The following CRTC1 variants were observed in gnomAD, a reference collection of about 807,000 sequenced individuals.
The protein encoded by CRTC1 is CREB regulated transcription coactivator 1.
CRTC1 carries 18 observed loss-of-function variants against 66.1 expected under a neutral mutation model. The ratio of observed to expected loss-of-function variants is 0.27; its 90% CI spans 0.19 to 0.40. The LOEUF (loss-of-function observed/expected upper bound fraction) is 0.40, where lower values mean the gene tolerates loss of function less well. Among genes scored for constraint, CRTC1 ranks in the 10% least tolerant of loss-of-function variants. The pLI, the probability that CRTC1 is intolerant of heterozygous loss-of-function variation, is 1.00. For missense variants in CRTC1, 669 were observed against 887.9 expected (o/e 0.75, Z 3.13); for synonymous variants, 416 against 398.8 (o/e 1.04, Z -0.51).
At chr19:18,759,953 G>A in intron 7 of CRTC1, 55 bp from the exon 8 acceptor site, 16 of 1,051,880 alleles carry the variant, frequency 1.5e-5, no homozygotes, top group Non-Finnish European at 1.9e-5. Flanking sequence ...CCCTGTCCCC[G>A]CCGCCAGCCC....
chr19:18,715,990 G>A (rs767996379), intron 1 of CRTC1, among the ~76,000 whole-genome samples: 6 of 152,178 alleles, frequency 3.9e-5, no homozygotes, highest in Non-Finnish European at 7.3e-5. Context: ...TGCTGGCAGC[G>A]GTTGGCGGGG....
At chr19:18,701,245 G>A (rs541664575) in intron 1 of CRTC1, among the ~76,000 whole-genome samples, 9 of 152,244 alleles carry the variant, frequency 5.9e-5, no homozygotes, top group Non-Finnish European at 1.0e-4. Flanking sequence ...TGCTCTATGC[G>A]CCTCTGTTGG....
rs2055073803 is a variant in CRTC1, at chr19:18,780,058, C to G, written c.*2676C>G. 4.3e-6 allele frequency: 1 copy of G among 230,824 alleles called. No homozygotes were observed. Among genetic ancestry groups the G allele is most frequent in the Non-Finnish European group, 8.6e-6 (1 of 116,680 alleles). The allele number at this position is 230,824 out of a possible 1,614,324, so 14.3% of individuals were successfully genotyped here. Reference sequence around the variant, plus strand: ...GCCAAGACTTTCTGAAACAAGACAGCTTAAGGGAATCAGCCTTTTGCTTTG... The same window carrying G: ...GCCAAGACTTTCTGAAACAAGACAGGTTAAGGGAATCAGCCTTTTGCTTTG... On this transcript the variant is annotated 3_prime_UTR_variant, in exon 14 of 14. Coordinates refer to ENST00000321949, the MANE Select transcript of CRTC1 (RefSeq NM_015321.3).
intron 1 of CRTC1, among the ~76,000 whole-genome samples, chr19:18,710,427 G>A (rs1041619268): frequency 6.6e-6 from 1 of 152,080 alleles, no homozygotes; most frequent in African/African-American, 2.4e-5. Context: ...GGGTGAGCTG[G>A]ACATGCAGGG....
chr19:18,765,652 C>A (rs945950960), intron 9 of CRTC1, 124 bp downstream of exon 9: 4 of 939,700 alleles, frequency 4.3e-6, no homozygotes, highest in Non-Finnish European at 6.1e-6. Context: ...GCTCCCAACA[C>A]TTTTAGTTTT....
At chr19:18,683,883 G>T (rs1216064120) in intron 1 of CRTC1, 55 bp downstream of exon 1, 8 of 901,462 alleles carry the variant, frequency 8.9e-6, no homozygotes, top group Non-Finnish European at 1.1e-5. Context: ...GGGAGGGGGC[G>T]CGTGTCCGGC....
intron 2 of CRTC1, among the ~76,000 whole-genome samples, chr19:18,744,477 TACACACACACACAAACACAC>T (rs1164176780): frequency 6.7e-6 from 1 of 148,170 alleles, no homozygotes; most frequent in Non-Finnish European, 1.5e-5. Context: ...CGTCCCTATA[TACACACACACACAAACACAC>T]ACACACACAC....
At position 18,778,680 on chromosome 19, in the gene CRTC1, T is replaced by TA. The variant is rs2055045931; in HGVS notation, c.*1299dup. The TA allele has an allele frequency of 4.4e-6, 1 of 229,748 alleles. No homozygotes were observed. The highest frequency in any genetic ancestry group is 8.6e-6 in the Non-Finnish European group (1 of 115,834). The allele number at this position is 229,748 out of a possible 1,614,324, so 14.2% of individuals were successfully genotyped here. A position where few individuals can be genotyped will look rare whatever the true frequency, so the allele number is the denominator to read the frequency against. On this transcript the variant is annotated 3_prime_UTR_variant, in exon 14 of 14. Coordinates refer to ENST00000321949, the MANE Select transcript of CRTC1 (RefSeq NM_015321.3). ...TCTCCCAGAGGTGCCTGCTAGTCCT[T>TA]AGAGTGTGTGTGTGAAGATGCCATG...
Position 18,768,785 on chromosome 19 carries a change from A to G in CRTC1, c.1312A>G (p.Ile438Val), listed in dbSNP as rs2054796714. Residue 438 changes from isoleucine (I) to valine (V), a missense_variant, in exon 10 of 14, where the codon ATC (isoleucine) becomes GTC (valine). Ile to Val is a conservative substitution (Grantham distance 29). Transcript: ENST00000321949. The surrounding 1 kb of genome is among the most constrained non-coding windows in gnomAD (Gnocchi z 5.6). Reference protein sequence around the residue: ...NPGQPSMGIDIASAPALQQYR... With the variant: ...NPGQPSMGIDVASAPALQQYR... ...TGGCCAGCCATCGATGGGGATCGAC[A>G]TCGCCTCGGTAAGCCCAGGGTGGGG... 2 of 1,599,416 alleles carry G rather than the reference A, an allele frequency of 1.3e-6. No homozygotes were observed. Among genetic ancestry groups the G allele is most frequent in the Middle Eastern group, 1.9e-4 (1 of 5,286 alleles).
At chr19:18,688,479 C>G (rs1438435167) in intron 1 of CRTC1, among the ~76,000 whole-genome samples, 1 of 151,958 alleles carries the variant, frequency 6.6e-6, no homozygotes, top group Non-Finnish European at 1.5e-5. Context: ...CCCCCTGTCG[C>G]CCAGGCTGGA....
chr19:18,760,320 A>C lies in CRTC1; in HGVS notation c.886+92A>C. 1.8e-6 allele frequency: 2 copies of C among 1,102,292 alleles called. No homozygotes were observed. The highest frequency in any genetic ancestry group is 2.6e-6 in the Non-Finnish European group (2 of 764,510). The allele number at this position is 1,102,292 out of a possible 1,614,324, so 68.3% of individuals were successfully genotyped here. ...GATGACTTGGCAGAGTCCCGTTCCA[A>C]ATACTAGGGCATGGGGGACAGGGCT... On this transcript the variant is annotated intron_variant, in intron 8 of 13. Coordinates refer to ENST00000321949, the MANE Select transcript of CRTC1 (RefSeq NM_015321.3). This position sits in a 1 kb window ranked among gnomAD's most constrained non-coding sequence, Gnocchi z 6.2.
rs932950881 is a variant in CRTC1, at chr19:18,778,785, G to A, written c.*1403G>A. 2 of 230,980 alleles carry A rather than the reference G, an allele frequency of 8.7e-6. No homozygotes were observed. The highest frequency in any genetic ancestry group is 6.1e-5 in the East Asian group (1 of 16,322). The allele number at this position is 230,980 out of a possible 1,614,324, so 14.3% of individuals were successfully genotyped here. The stretch of plus-strand genomic sequence containing the variant: ...CGAGGGTCCCCGAGACGAGGACCAC[G>A]GTCCTCCCTGAGAACCTGGGTGGAA... On this transcript the variant is annotated 3_prime_UTR_variant, in exon 14 of 14. Coordinates refer to ENST00000321949, the MANE Select transcript of CRTC1 (RefSeq NM_015321.3).
intron 1 of CRTC1, among the ~76,000 whole-genome samples, chr19:18,694,120 C>G (rs1260701569): frequency 7.4e-6 from 1 of 135,856 alleles, no homozygotes; most frequent in Non-Finnish European, 1.5e-5. Flanking sequence ...GGTAACAGAG[C>G]GAGACTCCGT....
chr19:18,729,961 C>T (rs755547980), intron 1 of CRTC1, among the ~76,000 whole-genome samples: 3 of 152,046 alleles, frequency 2.0e-5, no homozygotes, highest in East Asian at 1.9e-4. Flanking sequence ...GGTGGGGTCA[C>T]GCACTGGGTG....
At position 18,768,907 on chromosome 19, in the gene CRTC1, C is replaced by A; in HGVS notation, c.1320+114C>A. 3 of 1,332,636 alleles carry A rather than the reference C, an allele frequency of 2.3e-6. No homozygotes were observed. The highest frequency in any genetic ancestry group is 3.0e-6 in the Non-Finnish European group (3 of 997,954). The allele number at this position is 1,332,636 out of a possible 1,614,324, so 82.6% of individuals were successfully genotyped here. On this transcript the variant is annotated intron_variant, in intron 10 of 13. Transcript: ENST00000321949. This position sits in a 1 kb window ranked among gnomAD's most constrained non-coding sequence, Gnocchi z 5.6. ...CATGGGCCAGGGGTCAGAACCCCAG[C>A]GAACGCTGCCTGGGCCCACCTCTCC...
chr19:18,759,971 T>C, intron 7 of CRTC1, 37 bp from the exon 8 acceptor site: 2 of 1,061,270 alleles, frequency 1.9e-6, no homozygotes, highest in South Asian at 1.7e-5. Context: ...CCCCGCCCCA[T>C]GAGCTCACCT....
At chr19:18,693,015 C>T (rs1296120032) in intron 1 of CRTC1, among the ~76,000 whole-genome samples, 1 of 135,216 alleles carries the variant, frequency 7.4e-6, no homozygotes, top group Non-Finnish European at 1.5e-5. Flanking sequence ...GTGGAGGTTG[C>T]AGTGAGCCAA....
At chr19:18,749,673 G>A (rs2145760434) in intron 4 of CRTC1, 108 bp from the exon 5 acceptor site, 2 of 891,218 alleles carry the variant, frequency 2.2e-6, no homozygotes, top group African/African-American at 1.7e-5. Context: ...TCACAAAAAT[G>A]ATCCACAGCT....
chr19:18,764,789 G>C (rs1481210527), intron 8 of CRTC1, among the ~76,000 whole-genome samples: 1 of 152,212 alleles, frequency 6.6e-6, no homozygotes, highest in African/African-American at 2.4e-5. Context: ...AGGTGCTCAG[G>C]TCTGGGGGCC....
Sources: allele counts gnomAD v4.1 joint callset (sites outside exome capture counted in the v4.1 genomes callset), GRCh38; gene constraint gnomAD v4.1.1; non-coding constraint Gnocchi (gnomAD v3.1); transcripts MANE v1.5; gene names NCBI Gene and HGNC (gene_info 2026-07-23, HGNC 2026-07-21).